Variants in CTTNBP2 observed in about 807,000 individuals in gnomAD.
CTTNBP2 encodes the protein cortactin binding protein 2.
Under a neutral mutation model 156.9 loss-of-function variants are expected in CTTNBP2, and 108 were observed. That is an observed-to-expected ratio of 0.69 (90% CI 0.59 to 0.81). The LOEUF is 0.81. CTTNBP2 is among the 30% of genes least tolerant of loss of function. CTTNBP2 has a pLI of 0.00. For missense variants in CTTNBP2, 1,924 were observed against 2,035.4 expected (o/e 0.95, Z 1.05); for synonymous variants, 767 against 751.8 (o/e 1.02, Z -0.33).
chr7:117,771,203 A>G (rs2116721855), intron 8 of CTTNBP2, among the ~76,000 whole-genome samples: 1 of 152,316 alleles, frequency 6.6e-6, no homozygotes, highest in African/African-American at 2.4e-5. Context: ...CTGAGAAGCA[A>G]GGTACCAGTG....
intron 16 of CTTNBP2, among the ~76,000 whole-genome samples, chr7:117,732,008 A>G (rs1052890402): frequency 2.0e-5 from 3 of 152,162 alleles, no homozygotes; most frequent in African/African-American, 7.2e-5. Context: ...TTTTAACTTA[A>G]TAAGAATGAC....
At chr7:117,858,814 G>A (rs894489209) in intron 2 of CTTNBP2, among the ~76,000 whole-genome samples, 2 of 152,016 alleles carry the variant, frequency 1.3e-5, no homozygotes, top group Admixed American at 1.3e-4. Context: ...ATTTTCCAGG[G>A]ATTCAACTCC....
intron 4 of CTTNBP2, among the ~76,000 whole-genome samples, chr7:117,790,688 CAT>C (rs1189708032): frequency 1.3e-5 from 2 of 151,264 alleles, no homozygotes; most frequent in East Asian, 3.9e-4. Context: ...GGTAATCCAA[CAT>C]AGTGTTAATA....
intron 2 of CTTNBP2, among the ~76,000 whole-genome samples, chr7:117,827,472 C>A (rs1801353920): frequency 6.6e-6 from 1 of 152,078 alleles, no homozygotes; most frequent in Non-Finnish European, 1.5e-5. Context: ...GACATTTCAA[C>A]TCATAACAGA....
intron 17 of CTTNBP2, among the ~76,000 whole-genome samples, chr7:117,726,776 G>A (rs1051730052): frequency 6.6e-6 from 1 of 152,152 alleles, no homozygotes; most frequent in African/African-American, 2.4e-5. Context: ...AACCACATGG[G>A]CTACTATGTA....
intron 2 of CTTNBP2, among the ~76,000 whole-genome samples, chr7:117,836,556 CTG>C (rs1347039157): frequency 6.6e-6 from 1 of 152,144 alleles, no homozygotes; most frequent in Non-Finnish European, 1.5e-5. Flanking sequence ...GAGCGAGACT[CTG>C]TCTCAAAAAA....
At chr7:117,717,614 C>A (rs936271042) in intron 22 of CTTNBP2, among the ~76,000 whole-genome samples, 1 of 151,980 alleles carries the variant, frequency 6.6e-6, no homozygotes, top group African/African-American at 2.4e-5. Context: ...ACACACTGAC[C>A]ACTTAGTAGC....
intron 17 of CTTNBP2, among the ~76,000 whole-genome samples, chr7:117,725,545 T>C (rs1795043281): frequency 6.6e-6 from 1 of 152,136 alleles, no homozygotes; most frequent in Non-Finnish European, 1.5e-5. Flanking sequence ...AATAAACACA[T>C]TGAAAGGAAG....
intron 3 of CTTNBP2, among the ~76,000 whole-genome samples, chr7:117,793,155 T>G (rs1187393491): frequency 1.3e-5 from 2 of 152,218 alleles, no homozygotes; most frequent in East Asian, 3.8e-4. Flanking sequence ...AAAGGTTTAA[T>G]GCTTTAAAAT....
chr7:117,837,428 GCT>G (rs1802023259), intron 2 of CTTNBP2, among the ~76,000 whole-genome samples: 1 of 151,882 alleles, frequency 6.6e-6, no homozygotes, highest in African/African-American at 2.4e-5. Context: ...TACCTTCTCT[GCT>G]CTCTCTTCCT....
intron 12 of CTTNBP2, among the ~76,000 whole-genome samples, chr7:117,755,160 G>A (rs755150129): frequency 2.3e-4 from 35 of 152,174 alleles, no homozygotes; most frequent in Non-Finnish European, 2.9e-5. Flanking sequence ...GGGACAAAGA[G>A]TAAAGCAAAG....
In CTTNBP2 at chr7:117,719,613, A is replaced by G; in HGVS notation, c.4535T>C (p.Leu1512Pro). 2 of 1,613,746 alleles carry G rather than the reference A, an allele frequency of 1.2e-6. No homozygotes were observed. The highest frequency in any genetic ancestry group is 1.7e-6 in the Non-Finnish European group (2 of 1,179,818). Residue 1512 changes from leucine to proline, a missense_variant, in exon 21 of 23, where the codon CTG (leucine) becomes CCG (proline). By Grantham distance (98) the Leu-to-Pro change is moderately conservative. Coordinates refer to ENST00000160373, the MANE Select transcript of CTTNBP2 (RefSeq NM_033427.3). Reference sequence around the variant, plus strand: ...GAGTCTCTGATCCAAATTCAACGTCAGTGATAGATCATTCTCTAAAGACCT... The same window carrying G: ...GAGTCTCTGATCCAAATTCAACGTCGGTGATAGATCATTCTCTAAAGACCT... ...KQKSLENDLS[L>P]TLNLDQRLSL...
At chr7:117,781,461 C>G (rs986555673) in intron 6 of CTTNBP2, among the ~76,000 whole-genome samples, 4 of 152,146 alleles carry the variant, frequency 2.6e-5, no homozygotes, top group Non-Finnish European at 4.4e-5. Flanking sequence ...ACAAATCCAG[C>G]CTGGCACGGT....
chr7:117,769,603 TGCTAA>T (rs1797700600), intron 8 of CTTNBP2, among the ~76,000 whole-genome samples: 1 of 152,196 alleles, frequency 6.6e-6, no homozygotes, highest in Non-Finnish European at 1.5e-5. Flanking sequence ...TTTAAGAAAT[TGCTAA>T]GCTAAGAAAT....
intron 11 of CTTNBP2, 145 bp from the exon 12 acceptor site, chr7:117,756,779 G>T: frequency 1.5e-6 from 1 of 665,552 alleles, no homozygotes; most frequent in Non-Finnish European, 2.7e-6. Context: ...GCACCAATGT[G>T]CCTTTCTGTT....
rs1294567156 is a variant in CTTNBP2 at position 117,734,927 on chromosome 7, T to A, written c.3862A>T (p.Lys1288Ter). The change falls in exon 16 of 23, where the codon AAA (lysine) becomes TAA (stop). Residue 1288 changes from lysine to a stop codon, truncating the protein, a stop_gained. Coordinates refer to ENST00000160373, the MANE Select transcript of CTTNBP2 (RefSeq NM_033427.3). LOFTEE classifies it high-confidence loss of function. ...CTGTTTGTTACCTTATTCACAACTT[T>A]CCTTCGTAAGAACCTCTGCAGCAGT... ...QGLLQRFLRRKVVNKFKGQAP... is the reference protein window; with the variant it reads ...QGLLQRFLRR 1.3e-6 allele frequency: 2 copies of A among 1,593,760 alleles called. No individual in the cohort carries two copies. Among genetic ancestry groups the A allele is most frequent in the Admixed American group, 1.7e-5 (1 of 58,008 alleles).
intron 2 of CTTNBP2, 78 bp downstream of exon 2, chr7:117,861,130 AG>A: frequency 5.0e-6 from 4 of 807,422 alleles, no homozygotes; most frequent in Non-Finnish European, 8.1e-6. Context: ...TCAAAAATTA[AG>A]AAAAAGAAGG....
At chr7:117,743,336 A>G (rs1796119365) in intron 14 of CTTNBP2, among the ~76,000 whole-genome samples, 1 of 152,208 alleles carries the variant, frequency 6.6e-6, no homozygotes, top group Non-Finnish European at 1.5e-5. Context: ...CTTTTGTTAG[A>G]TAACAGGGGA....
In CTTNBP2 at chr7:117,757,936, C is replaced by T. The variant is rs767932676; in HGVS notation, c.3207G>A (p.Ala1069=). ...NVPWSVGQSF[A]QSPWDFMRKN... ...TCCTCATAAAGTCCCACGGGGACTG[C>T]GCGAAGCTCTGACCCACTGACCACG... Residue 1069 remains alanine, a synonymous_variant, in exon 11 of 23, where the codon GCG becomes GCA. Coordinates refer to ENST00000160373, the MANE Select transcript of CTTNBP2 (RefSeq NM_033427.3). The T allele has an allele frequency of 1.8e-5, 29 of 1,613,368 alleles. 1 individual carries two copies. The South Asian group carries it at 2.1e-4, about 12-fold the overall frequency.
Sources: gnomAD v4.1 joint callset for allele counts (sites outside exome capture counted in the v4.1 genomes callset) on GRCh38, gnomAD v4.1.1 for gene constraint, MANE v1.5 for transcripts, NCBI Gene and HGNC (gene_info 2026-07-23, HGNC 2026-07-21) for gene names.